Variants in WLS observed in about 807,000 individuals in gnomAD.
The protein encoded by WLS is protein wntless homolog.
WLS carries 23 observed loss-of-function variants against 62.8 expected under a neutral mutation model. That is an observed-to-expected ratio of 0.37 (90% CI 0.26 to 0.52). The LOEUF (loss-of-function observed/expected upper bound fraction) is 0.52. Among genes scored for constraint, WLS ranks in the 20% least tolerant of loss-of-function variants. The pLI, the probability that WLS is intolerant of heterozygous loss-of-function variation, is 0.92. For synonymous variants in WLS, 246 were observed against 244.1 expected, an observed-to-expected ratio of 1.01 and a Z score of -0.07; for missense variants, 615 against 697.3, an observed-to-expected ratio of 0.88 and a Z score of 1.33.
intron 11 of WLS, among the ~76,000 whole-genome samples, chr1:68,131,309 G>A (rs1350402887): frequency 6.6e-6 from 1 of 152,090 alleles, no homozygotes; most frequent in Non-Finnish European, 1.5e-5. Context: ...GCAGGCAAGG[G>A]CAGTTCCTCT....
intron 1 of WLS, among the ~76,000 whole-genome samples, chr1:68,209,060 T>A (rs1479018767): frequency 6.6e-6 from 1 of 152,082 alleles, no homozygotes. Context: ...GTTTGGCTTG[T>A]GCACTGGAGG....
chr1:68,231,509 C>T, intron 1 of WLS: 1 of 303,762 alleles, frequency 3.3e-6, no homozygotes, highest in Non-Finnish European at 6.6e-6. Flanking sequence ...TCCGACCTCT[C>T]CAACTTCCCG....
intron 2 of WLS, among the ~76,000 whole-genome samples, chr1:68,180,989 A>C (rs545641095): frequency 1.3e-5 from 2 of 152,354 alleles, no homozygotes; most frequent in South Asian, 4.1e-4. Flanking sequence ...CAGTGTGTAG[A>C]CAATAGGTAG....
intron 11 of WLS, among the ~76,000 whole-genome samples, chr1:68,108,022 A>G (rs1646171467): frequency 6.6e-6 from 1 of 152,174 alleles, no homozygotes; most frequent in African/African-American, 2.4e-5. Flanking sequence ...GCCTGCTCAC[A>G]GTCTTGAATC....
intron 1 of WLS, among the ~76,000 whole-genome samples, chr1:68,230,940 C>T (rs1218700843): frequency 2.6e-5 from 4 of 152,140 alleles, no homozygotes; most frequent in East Asian, 1.9e-4. Flanking sequence ...GCCGCCGGCG[C>T]CCCCGGGCGT....
intron 11 of WLS, among the ~76,000 whole-genome samples, chr1:68,115,543 T>C (rs1429813819): frequency 6.6e-6 from 1 of 152,206 alleles, no homozygotes; most frequent in Non-Finnish European, 1.5e-5. Context: ...TCACTCAACC[T>C]CTCTGAGCTC....
At chr1:68,181,549 A>G (rs1191194734) in intron 2 of WLS, among the ~76,000 whole-genome samples, 1 of 152,170 alleles carries the variant, frequency 6.6e-6, no homozygotes, top group Non-Finnish European at 1.5e-5. Flanking sequence ...AAAATATATC[A>G]TTTTAGAAAG....
intron 10 of WLS, among the ~76,000 whole-genome samples, chr1:68,140,043 G>T (rs1646664669): frequency 6.6e-6 from 1 of 152,196 alleles, no homozygotes; most frequent in South Asian, 2.1e-4. Context: ...TCATAACAAG[G>T]ATAAGCATAT....
At chr1:68,110,341 C>T (rs1646208238) in intron 11 of WLS, among the ~76,000 whole-genome samples, 1 of 151,910 alleles carries the variant, frequency 6.6e-6, no homozygotes, top group Non-Finnish European at 1.5e-5. Context: ...AAAAATATAA[C>T]TTGTGAAACC....
chr1:68,101,674 C>T (rs1646080230), intron 11 of WLS, among the ~76,000 whole-genome samples: 1 of 152,162 alleles, frequency 6.6e-6, no homozygotes, highest in South Asian at 2.1e-4. Context: ...ATGCTGCTTA[C>T]TAAATGAGGA....
intron 11 of WLS, among the ~76,000 whole-genome samples, chr1:68,118,875 C>CAAAAAAAAAAAAAAAAAAAAAAAA (rs33982774): frequency 2.7e-4 from 7 of 26,390 alleles, no homozygotes; most frequent in African/African-American, 5.0e-4. Context: ...GACTCTGTCT[C>CAAAAAAAAAAAAAAAAAAAAAAAA]AAAAAAAAAA....
chr1:68,199,996 T>C (rs1648912391), intron 1 of WLS, among the ~76,000 whole-genome samples: 1 of 152,136 alleles, frequency 6.6e-6, no homozygotes, highest in Non-Finnish European at 1.5e-5. Context: ...AGATGATATT[T>C]AAAGAATAAT....
chr1:68,167,891 A>G (rs975820293), intron 2 of WLS, among the ~76,000 whole-genome samples: 9 of 152,152 alleles, frequency 5.9e-5, no homozygotes, highest in Non-Finnish European at 1.2e-4. Flanking sequence ...CCAGGGTTCC[A>G]TAGGAGCAGA....
intron 1 of WLS, among the ~76,000 whole-genome samples, chr1:68,217,824 C>G (rs762344536): frequency 6.6e-6 from 1 of 152,126 alleles, no homozygotes; most frequent in Admixed American, 6.5e-5. Flanking sequence ...TGAGAGGGGT[C>G]TGGTTCCCCC....
At chr1:68,201,290 T>C (rs1157031194) in intron 1 of WLS, among the ~76,000 whole-genome samples, 3 of 152,212 alleles carry the variant, frequency 2.0e-5, no homozygotes. Flanking sequence ...AAGTTTTGGG[T>C]GGCTAATTAG....
chr1:68,114,459 C>A (rs988287746), intron 11 of WLS, among the ~76,000 whole-genome samples: 2 of 152,114 alleles, frequency 1.3e-5, no homozygotes, highest in African/African-American at 4.8e-5. Context: ...ATGATAGATA[C>A]CTTTTTAAAA....
At chr1:68,178,091 G>GA (rs1270479874) in intron 2 of WLS, among the ~76,000 whole-genome samples, 1 of 152,130 alleles carries the variant, frequency 6.6e-6, no homozygotes, top group East Asian at 1.9e-4. Context: ...TCACTTTCCA[G>GA]AAAAAAATAA....
chr1:68,193,913 T>G, intron 2 of WLS, 42 bp downstream of exon 2: 1 of 1,581,098 alleles, frequency 6.3e-7, no homozygotes. Context: ...AAGAGGGCAA[T>G]GCTCAAAGGG....
At chr1:68,208,200 A>T (rs376846097) in intron 1 of WLS, among the ~76,000 whole-genome samples, 2 of 152,250 alleles carry the variant, frequency 1.3e-5, no homozygotes, top group East Asian at 3.8e-4. Flanking sequence ...AAATGGGATG[A>T]TAACATCTTT....
Sources: gnomAD v4.1 joint callset for allele counts (sites outside exome capture counted in the v4.1 genomes callset) on GRCh38, gnomAD v4.1.1 for gene constraint, MANE v1.5 for transcripts, NCBI Gene and HGNC (gene_info 2026-07-23, HGNC 2026-07-21) for gene names.